Variants in ALG13 observed in about 807,000 individuals in gnomAD.
The protein encoded by ALG13 is ALG13 UDP-N-acetylglucosaminyltransferase subunit.
Under a neutral mutation model 87.8 loss-of-function variants are expected in ALG13, and 11 were observed. The observed-to-expected ratio is 0.13, with a 90% CI of 0.08 to 0.21. The LOEUF is 0.21. Ranked by LOEUF, ALG13 falls within the 10% of genes least tolerant of loss-of-function variation. The pLI is 1.00. For missense variants in ALG13, 756 were observed against 866.1 expected, an observed-to-expected ratio of 0.87 and a Z score of 1.60; for synonymous variants, 320 against 306.3, an observed-to-expected ratio of 1.04 and a Z score of -0.47.
chrX:111,712,625 T>G (rs1481225669), intron 7 of ALG13, 95 bp downstream of exon 7: 4 of 417,567 alleles, frequency 9.6e-6, no homozygotes, highest in Non-Finnish European at 1.6e-5. Flanking sequence ...AATTTGAGAT[T>G]TGATGTATTG....
At chrX:111,752,667 A>G (rs1213400695) in intron 24 of ALG13, 123 bp from the exon 25 acceptor site, 1 of 451,817 alleles carries the variant, frequency 2.2e-6, no homozygotes, top group Non-Finnish European at 3.9e-6. Flanking sequence ...CTGCCCATCT[A>G]GGCCTCCCAA....
In ALG13 at chrX:111,744,792, T is replaced by G. The variant is rs765365972; in HGVS notation, c.2820T>G (p.Pro940=). 8 of 895,906 alleles carry G rather than the reference T, an allele frequency of 8.9e-6. No homozygotes were observed. Among genetic ancestry groups the G allele is most frequent in the Non-Finnish European group, 1.1e-5 (8 of 698,334 alleles). The allele number at this position is 895,906 out of a possible 1,213,427, so 73.8% of individuals were successfully genotyped here. A position where few individuals can be genotyped will look rare whatever the true frequency, so the allele number is the denominator to read the frequency against. The change falls in exon 24 of 27, where the codon CCT becomes CCG. Residue 940 remains proline, a synonymous_variant. Transcript: ENST00000394780. ...CACCTCCTCCTCCTCCTCCTCCTCCTCCTCCTCCTCCTCCTGCTCTTGATG... is the reference window on the plus strand; with the variant it reads ...CACCTCCTCCTCCTCCTCCTCCTCCGCCTCCTCCTCCTCCTGCTCTTGATG... ...PPPPPPPPPP[P]PPPPPALDVG...
At chrX:111,735,243 G>A in intron 22 of ALG13, 121 bp downstream of exon 22, 1 of 457,026 alleles carries the variant, frequency 2.2e-6, no homozygotes, top group Non-Finnish European at 3.8e-6. Context: ...AGGTATTATT[G>A]TACCTTCTGG....
At position 111,725,516 on chromosome X, in the gene ALG13, A is replaced by G. The variant is rs556078169; in HGVS notation, c.1729+455A>G. Among the ~76,000 whole-genome samples, 12 of 111,344 alleles carry G rather than the reference A, an allele frequency of 1.1e-4. 1 individual carries two copies. In the South Asian group the frequency reaches 4.6e-3, roughly 42 times the overall value. On this transcript the variant is annotated intron_variant, in intron 15 of 26. Coordinates refer to ENST00000394780, the MANE Select transcript of ALG13 (RefSeq NM_001099922.3). ...GGGATTAGTTAATGGGTACAAAAAT[A>G]GGTAGTAGGATTAAGATCTAGTATT...
intron 3 of ALG13, among the ~76,000 whole-genome samples, chrX:111,704,585 G>T (rs974181698): frequency 1.8e-5 from 2 of 111,606 alleles, no homozygotes; most frequent in Admixed American, 9.5e-5. Flanking sequence ...AGTGACACAA[G>T]ACCACATACT....
intron 2 of ALG13, among the ~76,000 whole-genome samples, chrX:111,684,410 C>T: frequency 9.0e-6 from 1 of 110,861 alleles, no homozygotes; most frequent in East Asian, 2.8e-4. Flanking sequence ...CAAGCTCCAA[C>T]TCTTGGGCTC....
At chrX:111,711,603 A>T in intron 5 of ALG13, 72 bp from the exon 6 acceptor site, 4 of 1,000,539 alleles carry the variant, frequency 4.0e-6, no homozygotes, top group Non-Finnish European at 4.2e-6. Context: ...GCATTGCAGG[A>T]TAATGTAGAA....
rs184599884 is a variant in ALG13 at position 111,721,664 on chromosome X, A to G, written c.1388A>G (p.Glu463Gly). Residue 463 changes from glutamate to glycine, a missense_variant, in exon 12 of 27, where the codon GAA becomes GGA. Physicochemically the swap from Glu to Gly is moderately conservative, Grantham distance 98. Coordinates refer to ENST00000394780, the MANE Select transcript of ALG13 (RefSeq NM_001099922.3). ...PYKVLKALDP[E>G]IYRNVEFDVW... ...AAGGTGCTCAAAGCCCTGGATCCAG[A>G]AATCTATCGTAATGTAGAATTTGAT... The G allele has an allele frequency of 2.8e-5, 34 of 1,200,048 alleles. No homozygotes were observed. Among genetic ancestry groups the G allele is most frequent in the Admixed American group, 2.4e-4 (11 of 45,346 alleles).
intron 3 of ALG13, among the ~76,000 whole-genome samples, chrX:111,694,017 C>A (rs1297913703): frequency 9.1e-6 from 1 of 110,456 alleles, no homozygotes; most frequent in African/African-American, 3.3e-5. Context: ...TAGTAATTCC[C>A]AGTTTTTATT....
chrX:111,759,845 C>T lies in ALG13; in HGVS notation c.3260C>T (p.Pro1087Leu), dbSNP rs1945596491. ...PPLPGFDSCL[P>L]VVPDYSCVPP... The stretch of plus-strand genomic sequence containing the variant: ...TTGCCAGGTTTTGACTCCTGCCTTC[C>T]GGTTGTGCCAGATTATTCCTGTGTT... The change falls in exon 27 of 27, where the codon CCG (proline) becomes CTG (leucine). Residue 1087 changes from proline to leucine, a missense_variant. By Grantham distance (98) the Pro-to-Leu change is moderately conservative. Transcript: ENST00000394780. 5 of 1,211,036 alleles carry T rather than the reference C, an allele frequency of 4.1e-6. No homozygotes were observed. Among genetic ancestry groups the T allele is most frequent in the Non-Finnish European group, 5.6e-6 (5 of 895,271 alleles).
Position 111,720,062 on chromosome X carries a change from A to G in ALG13, c.1251-33A>G, listed in dbSNP as rs41306261. The G allele has an allele frequency of 9.2e-3, 9,679 of 1,054,784 alleles. 42 individuals are homozygous for G. The highest frequency in any genetic ancestry group is 0.011 in the Non-Finnish European group (8,870 of 783,114). The allele number at this position is 1,054,784 out of a possible 1,213,427, so 86.9% of individuals were successfully genotyped here. On this transcript the variant is annotated intron_variant, in intron 10 of 26. Coordinates refer to ENST00000394780, the MANE Select transcript of ALG13 (RefSeq NM_001099922.3). ...TAACATAAGTAAATTCTTCATTTAT[A>G]AAAAGCTCTTTGCTCTAAATCTTTT...
At chrX:111,706,059 C>CTT (rs1289509847) in intron 3 of ALG13, among the ~76,000 whole-genome samples, 8 of 105,158 alleles carry the variant, frequency 7.6e-5, no homozygotes, top group Admixed American at 2.0e-4. Context: ...ATTATAATCC[C>CTT]TTTTTTTTTT....
At chrX:111,721,778 G>A in intron 12 of ALG13, 67 bp downstream of exon 12, 1 of 606,073 alleles carries the variant, frequency 1.6e-6, no homozygotes, top group Non-Finnish European at 2.7e-6. Flanking sequence ...TGCAAATTAT[G>A]GTGAACATCT....
Position 111,717,851 on chromosome X carries a change from A to G in ALG13, c.1011A>G (p.Leu337=). ...TTCTGTGTGTTTTTCTTTAGATTCTACTCTGCTACTCAAGTAGTGGTCACT... is the reference window on the plus strand; with the variant it reads ...TTCTGTGTGTTTTTCTTTAGATTCTGCTCTGCTACTCAAGTAGTGGTCACT... The part of the protein sequence containing the change: ...VTDNGYEDKI[L]LCYSSSGHYD... The change falls in exon 9 of 27, where the codon CTA becomes CTG. Residue 337 remains leucine, a synonymous_variant. Coordinates refer to ENST00000394780, the MANE Select transcript of ALG13 (RefSeq NM_001099922.3). 2 of 1,187,714 alleles carry G rather than the reference A, an allele frequency of 1.7e-6. No homozygotes were observed. The highest frequency in any genetic ancestry group is 2.3e-6 in the Non-Finnish European group (2 of 878,492).
chrX:111,703,119 C>A (rs1302508426), intron 3 of ALG13, among the ~76,000 whole-genome samples: 1 of 110,079 alleles, frequency 9.1e-6, no homozygotes, highest in Non-Finnish European at 1.9e-5. Context: ...GTTGTGGCTG[C>A]TTCATGGGCC....
intron 21 of ALG13, among the ~76,000 whole-genome samples, chrX:111,731,749 A>G (rs142798635): frequency 8.9e-6 from 1 of 112,161 alleles, no homozygotes; most frequent in East Asian, 2.8e-4. Context: ...GTTCTTTTCT[A>G]TAGATATACT....
intron 1 of ALG13, 161 bp downstream of exon 1, chrX:111,681,460 C>G: frequency 9.2e-7 from 1 of 1,083,331 alleles, no homozygotes; most frequent in Non-Finnish European, 1.2e-6. Flanking sequence ...TGCCCACGCC[C>G]GGCGGGGCCC....
chrX:111,704,079 C>T (rs991791541), intron 3 of ALG13, among the ~76,000 whole-genome samples: 35 of 111,706 alleles, frequency 3.1e-4, no homozygotes, highest in Admixed American at 2.6e-3. Flanking sequence ...ATTAAAGACA[C>T]ACAAATGGCC....
At position 111,736,926 on chromosome X, in the gene ALG13, A is replaced by G. The variant is rs184635444; in HGVS notation, c.2695+47A>G. On this transcript the variant is annotated intron_variant, in intron 23 of 26. Coordinates refer to ENST00000394780, the MANE Select transcript of ALG13 (RefSeq NM_001099922.3). Reference sequence around the variant, plus strand: ...ACTTTGGAAGCCTCTTTTCCTATTCATGAACATGCACATCCAGCTGTTCTG... The same window carrying G: ...ACTTTGGAAGCCTCTTTTCCTATTCGTGAACATGCACATCCAGCTGTTCTG... 3.0e-4 allele frequency: 317 copies of G among 1,048,089 alleles called. 1 individual carries two copies. The African/African-American group carries it at 5.6e-3, about 18-fold the overall frequency. The allele number at this position is 1,048,089 out of a possible 1,213,427, so 86.4% of individuals were successfully genotyped here.
Sources: allele counts gnomAD v4.1 joint callset (sites outside exome capture counted in the v4.1 genomes callset), GRCh38; gene constraint gnomAD v4.1.1; transcripts MANE v1.5; gene names NCBI Gene and HGNC (gene_info 2026-07-23, HGNC 2026-07-21).